WWOX: variants seen among roughly 807,000 people sequenced by gnomAD.
WWOX encodes the protein WW domain-containing oxidoreductase.
Under a neutral mutation model 46.2 loss-of-function variants are expected in WWOX, and 69 were observed. That is an observed-to-expected ratio of 1.49 (90% CI 1.23 to 1.82). WWOX has a LOEUF of 1.82. Among genes scored for constraint, WWOX ranks in the 40% most tolerant of loss-of-function variants. WWOX has a pLI of 0.00. For synonymous variants in WWOX, 359 were observed against 202.6 expected (o/e 1.77, Z -6.56); for missense variants, 919 against 542.6 (o/e 1.69, Z -6.89).
intron 8 of WWOX, among the ~76,000 whole-genome samples, chr16:78,673,596 A>G (rs766932056): frequency 1.3e-5 from 2 of 152,212 alleles, no homozygotes; most frequent in Non-Finnish European, 2.9e-5. Flanking sequence ...GGCACCCATT[A>G]GTGTTGGTTA....
chr16:78,151,015 C>T (rs2034385992), intron 4 of WWOX, among the ~76,000 whole-genome samples: 1 of 150,954 alleles, frequency 6.6e-6, no homozygotes, highest in Non-Finnish European at 1.5e-5. Context: ...GTAACTGGGA[C>T]TGCAGGTGCA....
At chr16:78,514,151 G>C (rs2085431827) in intron 8 of WWOX, among the ~76,000 whole-genome samples, 1 of 152,134 alleles carries the variant, frequency 6.6e-6, no homozygotes, top group Non-Finnish European at 1.5e-5. Flanking sequence ...TCAGACGTCA[G>C]AAAAAAACTT....
intron 8 of WWOX, among the ~76,000 whole-genome samples, chr16:78,989,718 G>C (rs1183877206): frequency 6.9e-6 from 1 of 144,722 alleles, no homozygotes; most frequent in Non-Finnish European, 1.5e-5. Context: ...GCAGGAGAGA[G>C]AATGGAGCAG....
intron 4 of WWOX, among the ~76,000 whole-genome samples, chr16:78,120,546 C>T (rs528043568): frequency 1.2e-3 from 180 of 148,672 alleles, no homozygotes; most frequent in African/African-American, 4.2e-3. Context: ...GTCCGCAGTC[C>T]GGCCTGGGCG....
intron 4 of WWOX, among the ~76,000 whole-genome samples, chr16:78,127,878 A>G (rs79288281): frequency 0.02 from 3,065 of 152,268 alleles, 117 homozygotes; most frequent in African/African-American, 0.07. Context: ...GTAATTTGAC[A>G]CAGATTGTCC....
chr16:78,619,340 C>T (rs992732486), intron 8 of WWOX, among the ~76,000 whole-genome samples: 1 of 110,156 alleles, frequency 9.1e-6, no homozygotes, highest in Non-Finnish European at 1.8e-5. Context: ...CCAGCCTGGG[C>T]AACAGAGCAA....
chr16:78,120,203 T>G (rs577729101), intron 4 of WWOX, among the ~76,000 whole-genome samples: 1 of 152,282 alleles, frequency 6.6e-6, no homozygotes, highest in East Asian at 1.9e-4. Context: ...AATGTATATA[T>G]TTTGAGGTAT....
At chr16:78,530,969 A>T (rs540049616) in intron 8 of WWOX, among the ~76,000 whole-genome samples, 1 of 152,354 alleles carries the variant, frequency 6.6e-6, no homozygotes, top group South Asian at 2.1e-4. Flanking sequence ...AGGCTCTGAG[A>T]ATTGATATTA....
At chr16:79,019,889 C>T (rs2047496651) in intron 8 of WWOX, among the ~76,000 whole-genome samples, 1 of 152,176 alleles carries the variant, frequency 6.6e-6, no homozygotes. Context: ...CCTCAATGTT[C>T]TTTTCCCTCT....
intron 8 of WWOX, chr16:78,525,501 G>C (rs2043443597): frequency 6.6e-6 from 1 of 152,114 alleles, no homozygotes; most frequent in Admixed American, 6.6e-5. Context: ...TTCTTATAAA[G>C]TCAAATGGGA....
intron 8 of WWOX, chr16:78,506,695 G>GTTTTTTTTTT (rs1159884484): frequency 2.3e-4 from 2 of 8,638 alleles, no homozygotes; most frequent in African/African-American, 3.1e-4. Flanking sequence ...CTTTTTGTGT[G>GTTTTTTTTTT]TTTTTTTTTT....
intron 8 of WWOX, among the ~76,000 whole-genome samples, chr16:78,699,760 T>G (rs2048173536): frequency 6.6e-6 from 1 of 152,220 alleles, no homozygotes; most frequent in South Asian, 2.1e-4. Flanking sequence ...GCTCTTCTAA[T>G]GATCTTCTGG....
intron 5 of WWOX, among the ~76,000 whole-genome samples, chr16:78,166,354 T>C (rs1023142323): frequency 6.6e-6 from 1 of 152,166 alleles, no homozygotes; most frequent in Admixed American, 6.5e-5. Context: ...GTTTCACAGT[T>C]CTCTCTTTCT....
At chr16:79,154,317 G>C (rs1295763551) in intron 8 of WWOX, among the ~76,000 whole-genome samples, 2 of 152,150 alleles carry the variant, frequency 1.3e-5, no homozygotes, top group African/African-American at 2.4e-5. Context: ...TTCCAGCTGA[G>C]TTTCCTTTTC....
chr16:79,074,167 C>G (rs921723813), intron 8 of WWOX, among the ~76,000 whole-genome samples: 1 of 151,990 alleles, frequency 6.6e-6, no homozygotes, highest in African/African-American at 2.4e-5. Context: ...CAACTCCGAC[C>G]CCAAGTTGGA....
At chr16:78,607,813 G>A (rs537055153) in intron 8 of WWOX, among the ~76,000 whole-genome samples, 5 of 151,972 alleles carry the variant, frequency 3.3e-5, no homozygotes, top group Non-Finnish European at 7.4e-5. Flanking sequence ...GTGTCTTTTG[G>A]TGCCACGGAA....
intron 8 of WWOX, among the ~76,000 whole-genome samples, chr16:79,005,848 G>A (rs1468046651): frequency 6.6e-6 from 1 of 152,210 alleles, no homozygotes; most frequent in Non-Finnish European, 1.5e-5. Context: ...AGAGTGACCA[G>A]TAGAACATAG....
intron 8 of WWOX, among the ~76,000 whole-genome samples, chr16:79,130,254 A>C (rs961150512): frequency 1.3e-5 from 2 of 152,220 alleles, no homozygotes; most frequent in Admixed American, 1.3e-4. Context: ...AGGGGACAAA[A>C]TAATTTCTAT....
At chr16:78,554,648 G>A (rs866522680) in intron 8 of WWOX, among the ~76,000 whole-genome samples, 16 of 152,044 alleles carry the variant, frequency 1.1e-4, no homozygotes, top group Admixed American at 6.6e-5. Flanking sequence ...AAAATCCCCA[G>A]GACAGTCTCA....
Sources: allele counts gnomAD v4.1 joint callset (sites outside exome capture counted in the v4.1 genomes callset), GRCh38; gene constraint gnomAD v4.1.1; transcripts MANE v1.5; gene names NCBI Gene and HGNC (gene_info 2026-07-23, HGNC 2026-07-21).